Variants in SEC22C observed in about 807,000 individuals in gnomAD.
SEC22C encodes the protein vesicle-trafficking protein SEC22c.
Under a neutral mutation model 34.7 loss-of-function variants are expected in SEC22C, and 29 were observed. That is an observed-to-expected ratio of 0.84 (90% CI 0.62 to 1.14). SEC22C has a LOEUF of 1.14. SEC22C is among the 50% of genes most tolerant of loss of function. The pLI, the probability that SEC22C is intolerant of heterozygous loss-of-function variation, is 0.00. For synonymous variants in SEC22C, 117 were observed against 132.8 expected, an observed-to-expected ratio of 0.88 and a Z score of 0.82; for missense variants, 337 against 369.0, an observed-to-expected ratio of 0.91 and a Z score of 0.71.
upstream of SEC22C, among the ~76,000 whole-genome samples, chr3:42,583,081 C>T (rs991310740): frequency 2.0e-5 from 3 of 152,104 alleles, no homozygotes; most frequent in African/African-American, 4.8e-5. Context: ...TCCACTAGAG[C>T]GAATAGAAGG....
At chr3:42,563,493 G>A (rs1703047214) in intron 3 of SEC22C, 30 bp downstream of exon 3, 3 of 1,589,070 alleles carry the variant, frequency 1.9e-6, no homozygotes, top group Non-Finnish European at 2.6e-6. Flanking sequence ...CCATGGAAGA[G>A]AAAAATAAAT....
At chr3:42,586,262 G>A (rs1045564302), upstream of SEC22C, among the ~76,000 whole-genome samples, 6 of 152,204 alleles carry the variant, frequency 3.9e-5, no homozygotes, top group African/African-American at 9.6e-5. Context: ...GTCTCGCTCT[G>A]TCACCCAGGC....
intron 1 of SEC22C, among the ~76,000 whole-genome samples, chr3:42,590,624 G>A (rs776214134): frequency 6.6e-6 from 1 of 151,958 alleles, no homozygotes. Flanking sequence ...CACTGGAGGT[G>A]CTGACGCCAG....
intron 1 of SEC22C, among the ~76,000 whole-genome samples, chr3:42,572,300 C>T (rs188127456): frequency 6.6e-6 from 1 of 151,284 alleles, no homozygotes; most frequent in Admixed American, 6.6e-5. Context: ...AAACAAAAAA[C>T]TTGCAGGTAA....
chr3:42,553,362 C>T lies in SEC22C; in HGVS notation c.798G>A (p.Leu266=). ...LLFICLGNMY[L]HGLRNLWQIL... is the part of the protein sequence containing the mutation. ...TTTGCCAGAGGTTCCTCAGCCCGTG[C>T]AGGTACATGTTGCCCAGGCAAATAA... The change falls in exon 7 of 7, where the codon CTG becomes CTA. Residue 266 remains leucine, a synonymous_variant. Coordinates refer to ENST00000264454, the MANE Select transcript of SEC22C (RefSeq NM_032970.4). The T allele has an allele frequency of 6.2e-7, 1 of 1,614,148 alleles. No individual in the cohort carries two copies. Among genetic ancestry groups the T allele is most frequent in the South Asian group, 1.1e-5 (1 of 91,080 alleles).
chr3:42,572,654 C>G (rs966312596), intron 1 of SEC22C, among the ~76,000 whole-genome samples: 3 of 152,164 alleles, frequency 2.0e-5, no homozygotes, highest in African/African-American at 7.2e-5. Flanking sequence ...CCTTGCTTCC[C>G]CTGCTGGAGT....
At chr3:42,559,790 A>T (rs1702758267) in intron 4 of SEC22C, among the ~76,000 whole-genome samples, 1 of 152,192 alleles carries the variant, frequency 6.6e-6, no homozygotes. Flanking sequence ...GTAACTATAA[A>T]CAGGAATGCA....
intron 1 of SEC22C, among the ~76,000 whole-genome samples, chr3:42,570,580 T>C (rs1703556348): frequency 1.3e-5 from 2 of 152,116 alleles, no homozygotes; most frequent in South Asian, 4.1e-4. Flanking sequence ...CACCTTCCAT[T>C]GGGGAGTAAA....
chr3:42,574,359 G>A (rs1703824362), intron 1 of SEC22C, among the ~76,000 whole-genome samples: 1 of 102,082 alleles, frequency 9.8e-6, no homozygotes. Context: ...GCAAGACCCT[G>A]TCTCAAAAAA....
chr3:42,600,770 G>A, intron 1 of SEC22C: 1 of 367,044 alleles, frequency 2.7e-6, no homozygotes, highest in Non-Finnish European at 4.9e-6. Context: ...CAGGCTGGAG[G>A]CCAGCCAGGT....
At chr3:42,600,034 A>T (rs1233045908) in intron 1 of SEC22C, among the ~76,000 whole-genome samples, 1 of 152,272 alleles carries the variant, frequency 6.6e-6, no homozygotes, top group Non-Finnish European at 1.5e-5. Flanking sequence ...CATTTATGTA[A>T]CAAAAGATTT....
chr3:42,583,493 A>G (rs1333127693), upstream of SEC22C, among the ~76,000 whole-genome samples: 1 of 152,178 alleles, frequency 6.6e-6, no homozygotes, highest in African/African-American at 2.4e-5. Context: ...GATAAGATTG[A>G]TCTTGAGCTC....
chr3:42,559,152 C>T (rs1395708910), intron 4 of SEC22C, among the ~76,000 whole-genome samples: 2 of 152,210 alleles, frequency 1.3e-5, no homozygotes, highest in African/African-American at 2.4e-5. Flanking sequence ...CATTCTCTCG[C>T]TATACTCCTT....
chr3:42,597,236 CCAAAGG>C (rs1480123631), intron 1 of SEC22C, among the ~76,000 whole-genome samples: 12 of 152,070 alleles, frequency 7.9e-5, no homozygotes, highest in African/African-American at 2.9e-4. Flanking sequence ...TGTGGAAGTA[CCAAAGG>C]TTTGACTGTA....
upstream of SEC22C, chr3:42,582,101 G>T (rs1485526722): frequency 1.3e-5 from 2 of 152,242 alleles, no homozygotes; most frequent in Non-Finnish European, 2.9e-5. Flanking sequence ...AGGCGCGAAC[G>T]TAGTGGTTCT....
chr3:42,600,401 A>C (rs1035645307), intron 1 of SEC22C: 2 of 152,156 alleles, frequency 1.3e-5, no homozygotes, highest in African/African-American at 4.8e-5. Flanking sequence ...CGCGGCGCTC[A>C]CAGCCACACC....
upstream of SEC22C, among the ~76,000 whole-genome samples, chr3:42,586,537 C>G (rs773238736): frequency 5.3e-5 from 8 of 150,644 alleles, no homozygotes; most frequent in Non-Finnish European, 8.8e-5. Context: ...CTTGACCTTT[C>G]AACAGCATTT....
intron 1 of SEC22C, among the ~76,000 whole-genome samples, chr3:42,587,783 C>CA (rs1422968969): frequency 6.6e-6 from 1 of 151,394 alleles, no homozygotes; most frequent in African/African-American, 2.4e-5. Context: ...TCAAAACCTT[C>CA]GCTTTAGGCC....
At chr3:42,557,020 G>A (rs903544029) in intron 5 of SEC22C, among the ~76,000 whole-genome samples, 1 of 152,060 alleles carries the variant, frequency 6.6e-6, no homozygotes, top group African/African-American at 2.4e-5. Context: ...CACCACACCC[G>A]GCCGATACCT....
Sources: allele counts gnomAD v4.1 joint callset (sites outside exome capture counted in the v4.1 genomes callset), GRCh38; gene constraint gnomAD v4.1.1; transcripts MANE v1.5; gene names NCBI Gene and HGNC (gene_info 2026-07-23, HGNC 2026-07-21).